Variants in PIK3R4 observed in about 807,000 individuals in gnomAD.
PIK3R4 encodes the protein phosphoinositide 3-kinase regulatory subunit 4.
In PIK3R4, 46 loss-of-function variants were observed where a neutral mutation model predicts 136.5. The ratio of observed to expected loss-of-function variants is 0.34; its 90% CI spans 0.27 to 0.43. The LOEUF (loss-of-function observed/expected upper bound fraction) is 0.43. Ranked by LOEUF, PIK3R4 falls within the 20% of genes least tolerant of loss-of-function variation. PIK3R4 has a pLI of 1.00. For synonymous variants in PIK3R4, 557 were observed against 566.7 expected (o/e 0.98, Z 0.24); for missense variants, 1,331 against 1,649.5 (o/e 0.81, Z 3.35).
chr3:130,681,376 C>T (rs547787502), intron 17 of PIK3R4, 115 bp downstream of exon 17: 1 of 737,042 alleles, frequency 1.4e-6, no homozygotes, highest in South Asian at 1.7e-5. Context: ...TTATTAAAAA[C>T]CCAAATTTAA....
intron 13 of PIK3R4, among the ~76,000 whole-genome samples, chr3:130,703,220 C>T (rs2066588721): frequency 6.6e-6 from 1 of 152,160 alleles, no homozygotes. Flanking sequence ...CTAACTGGCC[C>T]CTCTTACTCC....
chr3:130,682,814 G>A (rs1258438922), intron 16 of PIK3R4, among the ~76,000 whole-genome samples: 2 of 152,106 alleles, frequency 1.3e-5, no homozygotes, highest in East Asian at 1.9e-4. Flanking sequence ...ACTGTTTCCT[G>A]TTAGAATTGT....
chr3:130,680,991 T>A lies in PIK3R4; in HGVS notation c.3783A>T (p.Ser1261=), dbSNP rs763055769. Residue 1261 remains serine (S), a synonymous_variant, in exon 18 of 20, where the codon TCA becomes TCT. Coordinates refer to ENST00000356763, the MANE Select transcript of PIK3R4 (RefSeq NM_014602.3). ...AGATAGTGTACCTTATTTTCATATC[T>A]GAGCCAGCTGTTAGTAGGATAGGAT... ...DGNPILLTAG[S]DMKIRFWDLA... is the part of the protein sequence containing the mutation. The A allele has an allele frequency of 6.5e-7, 1 of 1,548,274 alleles. No individual in the cohort carries two copies. Among genetic ancestry groups the A allele is most frequent in the Non-Finnish European group, 8.9e-7 (1 of 1,129,350 alleles).
At chr3:130,725,566 G>T (rs953591012) in intron 6 of PIK3R4, among the ~76,000 whole-genome samples, 12 of 148,478 alleles carry the variant, frequency 8.1e-5, no homozygotes, top group Admixed American at 6.8e-4. Context: ...AATGGGAAGA[G>T]ACTTTACATA....
chr3:130,685,437 G>T (rs538010350), intron 15 of PIK3R4, among the ~76,000 whole-genome samples: 1 of 152,184 alleles, frequency 6.6e-6, no homozygotes, highest in East Asian at 1.9e-4. Context: ...CCATTCTTGG[G>T]TATATATATG....
chr3:130,738,409 G>A (rs535438004), intron 2 of PIK3R4, among the ~76,000 whole-genome samples: 2 of 151,986 alleles, frequency 1.3e-5, no homozygotes, highest in East Asian at 1.9e-4. Flanking sequence ...GTGCTGAGGC[G>A]AAAAAAACAG....
chr3:130,688,304 T>G (rs963303504), intron 14 of PIK3R4, among the ~76,000 whole-genome samples: 3 of 152,234 alleles, frequency 2.0e-5, no homozygotes, highest in African/African-American at 7.2e-5. Flanking sequence ...TTGTTAACCC[T>G]GTGAAAAACA....
chr3:130,744,770 T>A lies in PIK3R4; in HGVS notation c.449A>T (p.Lys150Met). 1 of 1,614,286 alleles carries A rather than the reference T, an allele frequency of 6.2e-7. No homozygotes were observed. The highest frequency in any genetic ancestry group is 8.5e-7 in the Non-Finnish European group (1 of 1,180,058). ...HKSGVRHGDI[K>M]TENVMVTSWN... ...ACTGGTGACCATCACATTCTCAGTC[T>A]TGATGTCCCCATGACGAACTCCAGA... is the stretch of plus-strand genomic sequence containing the variant. The change falls in exon 2 of 20, where the codon AAG becomes ATG. Residue 150 changes from lysine (K) to methionine (M), a missense_variant. Coordinates refer to ENST00000356763, the MANE Select transcript of PIK3R4 (RefSeq NM_014602.3).
At chr3:130,723,332 T>G (rs1025732742) in intron 7 of PIK3R4, 82 bp downstream of exon 7, 108 of 1,202,824 alleles carry the variant, frequency 9.0e-5, no homozygotes, top group Non-Finnish European at 1.2e-4. Context: ...GCAGGAACAA[T>G]AAAGTTGCAA....
chr3:130,718,560 A>C, intron 7 of PIK3R4, 26 bp from the exon 8 acceptor site: 4 of 1,611,938 alleles, frequency 2.5e-6, no homozygotes, highest in Non-Finnish European at 3.4e-6. Flanking sequence ...AAAGGTAGGG[A>C]TCAAATAAGT....
At chr3:130,736,046 A>T (rs2066784174) in intron 2 of PIK3R4, 44 bp from the exon 3 acceptor site, 1 of 1,472,514 alleles carries the variant, frequency 6.8e-7, no homozygotes, top group Admixed American at 2.0e-5. Context: ...GAGATAAAAA[A>T]TATCATGCAA....
chr3:130,715,971 G>A (rs973960777), intron 9 of PIK3R4, among the ~76,000 whole-genome samples: 1 of 152,168 alleles, frequency 6.6e-6, no homozygotes, highest in African/African-American at 2.4e-5. Flanking sequence ...CTGTTTACAA[G>A]TATTAATTAC....
Position 130,723,585 on chromosome 3 carries a change from C to A in PIK3R4, c.1810G>T (p.Val604Phe). The A allele has an allele frequency of 1.2e-6, 2 of 1,610,878 alleles. No individual in the cohort carries two copies. Among genetic ancestry groups the A allele is most frequent in the Non-Finnish European group, 1.7e-6 (2 of 1,178,964 alleles). The change falls in exon 7 of 20, where the codon GTT becomes TTT. Residue 604 changes from valine to phenylalanine, a missense_variant and splice_region_variant. Physicochemically the swap from Val to Phe is conservative, Grantham distance 50. This residue lies in a region of PIK3R4 where 1,180 missense variants were observed against 1,407.0 expected (regional missense o/e 0.84). Transcript: ENST00000356763. ...RGAFFDSIVG[V>F]AAYVGWQSSS... The stretch of plus-strand genomic sequence containing the variant: ...CTTTGCCAGCCAACATAGGCAGCAA[C>A]ACCTGGAAATGAAAAGCAATATTAT...
At chr3:130,684,796 A>C (rs529472576) in intron 15 of PIK3R4, among the ~76,000 whole-genome samples, 27 of 152,336 alleles carry the variant, frequency 1.8e-4, no homozygotes, top group African/African-American at 5.3e-4. Flanking sequence ...ATCCCAAAGT[A>C]GCAGCAGCTT....
At position 130,686,294 on chromosome 3, in the gene PIK3R4, T is replaced by C. The variant is rs114311323; in HGVS notation, c.3392A>G (p.Asn1131Ser). 193 of 1,613,572 alleles carry C rather than the reference T, an allele frequency of 1.2e-4. No individual in the cohort carries two copies. The highest frequency in any genetic ancestry group is 4.3e-4 in the African/African-American group (32 of 75,008). ...TAAATCATGCTTTAAAGTCCACGCA[T>C]TGCTTGAAGACCTAAGGTCCCAGCC... The part of the protein sequence containing the change: ...LVGWDLRSSS[N>S]AWTLKHDLKS... Residue 1131 changes from asparagine to serine, a missense_variant, in exon 15 of 20, where the codon AAT becomes AGT. Physicochemically the swap from Asn to Ser is conservative, Grantham distance 46. This residue lies in a region of PIK3R4 where 1,180 missense variants were observed against 1,407.0 expected (regional missense o/e 0.84). Transcript: ENST00000356763.
At chr3:130,737,584 TGGGA>T (rs2066793241) in intron 2 of PIK3R4, among the ~76,000 whole-genome samples, 1 of 152,172 alleles carries the variant, frequency 6.6e-6, no homozygotes, top group African/African-American at 2.4e-5. Flanking sequence ...CGCTTGAACC[TGGGA>T]GGCAGAGTTT....
chr3:130,688,514 T>C (rs2066500603), intron 14 of PIK3R4, among the ~76,000 whole-genome samples: 1 of 152,234 alleles, frequency 6.6e-6, no homozygotes, highest in Non-Finnish European at 1.5e-5. Flanking sequence ...TTTTTAAATT[T>C]TACATACATT....
At position 130,716,612 on chromosome 3, in the gene PIK3R4, A is replaced by C. The variant is rs1171340563; in HGVS notation, c.2128-13T>G. ...GTTTTCTTTCAATCTATATTGGAAA[A>C]ATAAAAAGGATCAGCCAAAAATATA... On this transcript the variant is annotated splice_polypyrimidine_tract_variant and intron_variant, in intron 8 of 19. Transcript: ENST00000356763. 6.4e-7 allele frequency: 1 copy of C among 1,567,654 alleles called. No individual in the cohort carries two copies. Among genetic ancestry groups the C allele is most frequent in the Non-Finnish European group, 8.7e-7 (1 of 1,148,030 alleles).
chr3:130,697,156 A>C (rs2066550541), intron 13 of PIK3R4, among the ~76,000 whole-genome samples: 1 of 113,480 alleles, frequency 8.8e-6, no homozygotes, highest in African/African-American at 3.4e-5. Context: ...TGCAACCCCC[A>C]CCTCCCGGGT....
Sources: allele counts gnomAD v4.1 joint callset (sites outside exome capture counted in the v4.1 genomes callset), GRCh38; gene constraint gnomAD v4.1.1; regional missense constraint gnomAD v4.1.1; transcripts MANE v1.5; gene names NCBI Gene and HGNC (gene_info 2026-07-23, HGNC 2026-07-21).